The following CFAP299 variants were observed in gnomAD, a reference collection of about 807,000 sequenced individuals.
The protein encoded by CFAP299 is cilia- and flagella-associated protein 299.
In CFAP299, 21 loss-of-function variants were observed where a neutral mutation model predicts 27.0. The ratio of observed to expected loss-of-function variants is 0.78; its 90% CI spans 0.55 to 1.12. CFAP299 has a LOEUF of 1.12. Among genes scored for constraint, CFAP299 ranks in the 50% most tolerant of loss-of-function variants. The pLI, the probability that CFAP299 is intolerant of heterozygous loss-of-function variation, is 0.00. For synonymous variants in CFAP299, 104 were observed against 98.1 expected (o/e 1.06, Z -0.36); for missense variants, 310 against 276.6 (o/e 1.12, Z -0.86).
chr4:80,432,244 A>G (rs1727851833), intron 2 of CFAP299, among the ~76,000 whole-genome samples: 1 of 149,502 alleles, frequency 6.7e-6, no homozygotes, highest in Non-Finnish European at 1.5e-5. Context: ...CTCCCCCTCC[A>G]GGGTTCAAGT....
At chr4:80,398,710 A>T (rs1725959076) in intron 2 of CFAP299, among the ~76,000 whole-genome samples, 1 of 152,242 alleles carries the variant, frequency 6.6e-6, no homozygotes, top group Non-Finnish European at 1.5e-5. Flanking sequence ...TGAAGACTTA[A>T]ATGTTAGACA....
intron 3 of CFAP299, among the ~76,000 whole-genome samples, chr4:80,601,342 T>C (rs1409083777): frequency 1.3e-5 from 2 of 152,174 alleles, no homozygotes; most frequent in Non-Finnish European, 2.9e-5. Context: ...AAATTTTTCA[T>C]GTGATAAATT....
intron 3 of CFAP299, among the ~76,000 whole-genome samples, chr4:80,681,221 T>C (rs1217999759): frequency 1.3e-5 from 2 of 152,170 alleles, no homozygotes; most frequent in Non-Finnish European, 2.9e-5. Context: ...CCTCTCTCTA[T>C]TGAATATGTA....
chr4:80,929,393 A>G (rs964126562), intron 4 of CFAP299, among the ~76,000 whole-genome samples: 3 of 151,516 alleles, frequency 2.0e-5, no homozygotes, highest in Non-Finnish European at 4.4e-5. Context: ...CTATCCCTCC[A>G]GTCTCTGTGG....
chr4:80,887,880 T>C (rs1734049720), intron 4 of CFAP299, among the ~76,000 whole-genome samples: 1 of 152,112 alleles, frequency 6.6e-6, no homozygotes, highest in Admixed American at 6.6e-5. Flanking sequence ...CCTGTTTGTA[T>C]ATAATCCGTA....
At chr4:80,799,566 TA>T (rs1728157399) in intron 3 of CFAP299, among the ~76,000 whole-genome samples, 1 of 64,856 alleles carries the variant, frequency 1.5e-5, no homozygotes, top group African/African-American at 6.2e-5. Context: ...ATTTAATAAA[TA>T]TATATATTTA....
At chr4:80,551,550 A>G (rs1398586755) in intron 2 of CFAP299, among the ~76,000 whole-genome samples, 1 of 152,160 alleles carries the variant, frequency 6.6e-6, no homozygotes, top group East Asian at 1.9e-4. Context: ...CAAAGTCCAG[A>G]TATCAACTAA....
intron 2 of CFAP299, among the ~76,000 whole-genome samples, chr4:80,390,819 ATATG>A (rs1429462966): frequency 7.7e-6 from 1 of 130,070 alleles, no homozygotes; most frequent in Non-Finnish European, 1.6e-5. Flanking sequence ...ATACACACAT[ATATG>A]TATATGTATA....
intron 1 of CFAP299, among the ~76,000 whole-genome samples, chr4:80,355,452 G>T (rs767252936): frequency 6.7e-6 from 1 of 149,012 alleles, no homozygotes; most frequent in Non-Finnish European, 1.5e-5. Context: ...CCGCCTCCCG[G>T]GTTCGAGCAA....
intron 3 of CFAP299, among the ~76,000 whole-genome samples, chr4:80,853,736 G>A (rs1731662500): frequency 6.6e-6 from 1 of 152,176 alleles, no homozygotes; most frequent in South Asian, 2.1e-4. Flanking sequence ...TGAAATGAAT[G>A]TGAAGTGTCA....
intron 3 of CFAP299, among the ~76,000 whole-genome samples, chr4:80,741,525 G>T (rs889117369): frequency 2.0e-5 from 3 of 152,132 alleles, no homozygotes; most frequent in Non-Finnish European, 4.4e-5. Context: ...TCTGCCTGGT[G>T]CTGTATCCTA....
intron 2 of CFAP299, among the ~76,000 whole-genome samples, chr4:80,549,058 G>A (rs1016592438): frequency 6.6e-6 from 1 of 152,100 alleles, no homozygotes; most frequent in African/African-American, 2.4e-5. Context: ...AGTAGTGAGA[G>A]GAAGAGAGTG....
At position 80,945,885 on chromosome 4, in the gene CFAP299, G is replaced by A. The variant is rs193174607; in HGVS notation, c.606+946G>A. ...AAATGCTAAATAGGCCAGGCGCGGTGGCTCACACCTGTAATCCCAGCACTT... is the reference window on the plus strand; with the variant it reads ...AAATGCTAAATAGGCCAGGCGCGGTAGCTCACACCTGTAATCCCAGCACTT... On this transcript the variant is annotated intron_variant, in intron 5 of 5. Transcript: ENST00000358105. Among the ~76,000 whole-genome samples the A allele has an allele frequency of 2.6e-5, 4 of 152,124 alleles. No homozygotes were observed. The East Asian group carries it at 7.7e-4, about 29-fold the overall frequency.
At chr4:80,854,837 A>C (rs906772602) in intron 3 of CFAP299, among the ~76,000 whole-genome samples, 10 of 126,996 alleles carry the variant, frequency 7.9e-5, no homozygotes, top group East Asian at 2.3e-4. Flanking sequence ...AAAAAAAAAA[A>C]CAGAAAAGGA....
At chr4:80,484,034 T>G (rs143296487) in intron 2 of CFAP299, among the ~76,000 whole-genome samples, 3,164 of 152,256 alleles carry the variant, frequency 0.021, 59 homozygotes, top group Admixed American at 0.061. Flanking sequence ...GAAGTATTAA[T>G]ATAGCATAGT....
At chr4:80,428,705 TTTG>T (rs200384801) in intron 2 of CFAP299, among the ~76,000 whole-genome samples, 2,371 of 27,002 alleles carry the variant, frequency 0.088, 53 homozygotes, top group Non-Finnish European at 0.2. Flanking sequence ...TTTTTTTTTT[TTTG>T]TTTGTATTTT....
intron 3 of CFAP299, among the ~76,000 whole-genome samples, chr4:80,791,690 G>A (rs1727578270): frequency 6.6e-6 from 1 of 151,904 alleles, no homozygotes; most frequent in African/African-American, 2.4e-5. Context: ...AGTTAGAAAA[G>A]AACACAGGTC....
Position 80,863,607 on chromosome 4 carries a change from T to C in CFAP299, c.334-6386T>C, listed in dbSNP as rs146786004. ...AGCAATGTGTCTTGATATTTCTTCA[T>C]TGCTTGTTCATGTGGGGATTTTTTA... On this transcript the variant is annotated intron_variant, in intron 3 of 5. Coordinates refer to ENST00000358105, the MANE Select transcript of CFAP299 (RefSeq NM_152770.3). 3.9e-5 allele frequency among the ~76,000 whole-genome samples: 6 copies of C among 152,266 alleles called. No homozygotes were observed. The East Asian group carries it at 5.8e-4, about 15-fold the overall frequency.
chr4:80,478,475 A>AAT (rs1730390504), intron 2 of CFAP299, among the ~76,000 whole-genome samples: 1 of 152,154 alleles, frequency 6.6e-6, no homozygotes, highest in Non-Finnish European at 1.5e-5. Context: ...TTAATGAATT[A>AAT]TCATTATAAT....
Sources: gnomAD v4.1 joint callset for allele counts (sites outside exome capture counted in the v4.1 genomes callset) on GRCh38, gnomAD v4.1.1 for gene constraint, MANE v1.5 for transcripts, NCBI Gene and HGNC (gene_info 2026-07-23, HGNC 2026-07-21) for gene names.